TTC28: variants seen among roughly 807,000 people sequenced by gnomAD.
TTC28 encodes tetratricopeptide repeat protein 28.
Under a neutral mutation model 198.0 loss-of-function variants are expected in TTC28, and 61 were observed. The observed-to-expected ratio is 0.31, with a 90% confidence interval of 0.25 to 0.38. TTC28 has a LOEUF of 0.38. Among genes scored for constraint, TTC28 ranks in the 10% least tolerant of loss-of-function variants. TTC28 has a pLI of 1.00. For synonymous variants in TTC28, 1,171 were observed against 1,297.8 expected (o/e 0.90, Z 2.10); for missense variants, 2,678 against 3,164.0 (o/e 0.85, Z 3.69).
At chr22:28,599,243 T>C (rs2050597577) in intron 2 of TTC28, among the ~76,000 whole-genome samples, 1 of 152,272 alleles carries the variant, frequency 6.6e-6, no homozygotes, top group African/African-American at 2.4e-5. Flanking sequence ...ATTTAGCCTA[T>C]ATTTTGCCTA....
At chr22:28,259,451 A>G (rs1239235579) in intron 5 of TTC28, among the ~76,000 whole-genome samples, 3 of 152,096 alleles carry the variant, frequency 2.0e-5, no homozygotes. Context: ...TTCAGTTTGG[A>G]CTTATAGAGT....
chr22:28,252,972 GT>G (rs1449097837), intron 5 of TTC28, among the ~76,000 whole-genome samples: 1 of 152,038 alleles, frequency 6.6e-6, no homozygotes, highest in African/African-American at 2.4e-5. Flanking sequence ...GCTATAGTTT[GT>G]TTTTTTCCTG....
intron 2 of TTC28, among the ~76,000 whole-genome samples, chr22:28,398,399 G>A (rs1334984549): frequency 6.6e-6 from 1 of 152,212 alleles, no homozygotes. Context: ...ATGCTAAGAA[G>A]AGGAGGGGCA....
intron 1 of TTC28, among the ~76,000 whole-genome samples, chr22:28,644,516 A>G (rs2051423725): frequency 6.6e-6 from 1 of 152,004 alleles, no homozygotes; most frequent in Non-Finnish European, 1.5e-5. Context: ...ATCCAAAGTT[A>G]CTTTTGCCCA....
chr22:28,512,822 A>G (rs766717255), intron 2 of TTC28, among the ~76,000 whole-genome samples: 40 of 152,242 alleles, frequency 2.6e-4, no homozygotes, highest in African/African-American at 3.6e-4. Flanking sequence ...GCTGGGCTTA[A>G]TACCTAGGTG....
intron 2 of TTC28, among the ~76,000 whole-genome samples, chr22:28,387,984 C>T (rs932563498): frequency 1.7e-4 from 26 of 152,198 alleles, no homozygotes; most frequent in Admixed American, 9.2e-4. Context: ...TTAGGTCTAA[C>T]GTTTAAGTCT....
chr22:28,503,926 G>A (rs1313696115), intron 2 of TTC28, among the ~76,000 whole-genome samples: 1 of 152,066 alleles, frequency 6.6e-6, no homozygotes, highest in Non-Finnish European at 1.5e-5. Context: ...TATGGAGTTG[G>A]GCTCATGAAC....
chr22:28,116,995 C>T (rs1255704677), intron 6 of TTC28, among the ~76,000 whole-genome samples: 1 of 152,210 alleles, frequency 6.6e-6, no homozygotes, highest in Non-Finnish European at 1.5e-5. Flanking sequence ...TTTACCAATG[C>T]TCCCTGCTAT....
At chr22:28,067,967 A>C (rs891639238) in intron 12 of TTC28, among the ~76,000 whole-genome samples, 1 of 152,212 alleles carries the variant, frequency 6.6e-6, no homozygotes, top group Non-Finnish European at 1.5e-5. Flanking sequence ...CAGTTTATTC[A>C]TATACTATTA....
intron 13 of TTC28, among the ~76,000 whole-genome samples, chr22:28,023,421 C>A (rs932360205): frequency 6.6e-6 from 1 of 152,184 alleles, no homozygotes; most frequent in Non-Finnish European, 1.5e-5. Flanking sequence ...AACAAAGGCC[C>A]GAGCCAGGCA....
intron 5 of TTC28, among the ~76,000 whole-genome samples, chr22:28,192,554 G>C (rs1353320268): frequency 6.6e-6 from 1 of 152,154 alleles, no homozygotes; most frequent in Non-Finnish European, 1.5e-5. Flanking sequence ...GAAAAGATTG[G>C]ATGAATGGCT....
intron 2 of TTC28, among the ~76,000 whole-genome samples, chr22:28,450,004 T>A (rs897163192): frequency 2.0e-5 from 3 of 152,162 alleles, no homozygotes; most frequent in African/African-American, 7.2e-5. Flanking sequence ...GATACTGAAT[T>A]CTGTTTAAGA....
chr22:28,562,451 T>C (rs1453282288), intron 2 of TTC28, among the ~76,000 whole-genome samples: 2 of 152,064 alleles, frequency 1.3e-5, no homozygotes, highest in Admixed American at 6.6e-5. Context: ...CAAGGTAAGG[T>C]TGGGTCCAAG....
At chr22:28,510,050 CA>C (rs935240882) in intron 2 of TTC28, among the ~76,000 whole-genome samples, 4 of 151,788 alleles carry the variant, frequency 2.6e-5, no homozygotes, top group African/African-American at 4.8e-5. Flanking sequence ...GCCTACCAAC[CA>C]AAAAAAGCCC....
intron 12 of TTC28, among the ~76,000 whole-genome samples, chr22:28,084,001 C>G (rs1031016520): frequency 5.9e-5 from 9 of 152,232 alleles, no homozygotes; most frequent in African/African-American, 2.2e-4. Flanking sequence ...AGTAGGTAAA[C>G]AAAGTGGCCA....
chr22:28,027,460 A>C (rs913244694), intron 13 of TTC28, among the ~76,000 whole-genome samples: 1 of 152,254 alleles, frequency 6.6e-6, no homozygotes, highest in Admixed American at 6.5e-5. Context: ...CCTAAAGCCA[A>C]GTCTCACTTG....
At chr22:28,159,516 C>T (rs527908508) in intron 6 of TTC28, among the ~76,000 whole-genome samples, 2 of 152,082 alleles carry the variant, frequency 1.3e-5, no homozygotes, top group East Asian at 3.9e-4. Context: ...ATTAGCTGGG[C>T]GTGGTGGCGT....
At chr22:28,527,738 T>C (rs556433226) in intron 2 of TTC28, among the ~76,000 whole-genome samples, 1 of 152,264 alleles carries the variant, frequency 6.6e-6, no homozygotes, top group East Asian at 1.9e-4. Context: ...TGGGATCAAG[T>C]GATCCTCCCA....
chr22:28,008,929 TC>T (rs1938028563), intron 14 of TTC28, among the ~76,000 whole-genome samples: 1 of 152,182 alleles, frequency 6.6e-6, no homozygotes, highest in African/African-American at 2.4e-5. Context: ...AGCAGGGAAG[TC>T]CAGGTCAGAG....
Sources: gnomAD v4.1 joint callset for allele counts (sites outside exome capture counted in the v4.1 genomes callset) on GRCh38, gnomAD v4.1.1 for gene constraint, MANE v1.5 for transcripts, NCBI Gene and HGNC (gene_info 2026-07-23, HGNC 2026-07-21) for gene names.